Variants in ADARB2 observed in about 807,000 individuals in gnomAD.
ADARB2 encodes the protein adenosine deaminase RNA specific B2 (inactive), also known as inactive double-stranded RNA-specific editase B2.
A neutral mutation model predicts 62.2 loss-of-function variants in ADARB2; 25 were observed. The ratio of observed to expected loss-of-function variants is 0.40; its 90% CI spans 0.29 to 0.56. The LOEUF is 0.56. Among genes scored for constraint, ADARB2 ranks in the 20% least tolerant of loss-of-function variants. The pLI, the probability that ADARB2 is intolerant of heterozygous loss-of-function variation, is 0.43. For missense variants in ADARB2, 1,071 were observed against 1,077.4 expected (o/e 0.99, Z 0.08); for synonymous variants, 572 against 500.8 (o/e 1.14, Z -1.90).
rs147348249 is a variant in ADARB2, at chr10:1,408,810, G to A, written c.101-29650C>T. Among the ~76,000 whole-genome samples the A allele has an allele frequency of 7.7e-3, 1,173 of 152,318 alleles. 7 individuals are homozygous for A. The highest frequency in any genetic ancestry group is 0.012 in the Non-Finnish European group (813 of 68,024). Reference sequence around the variant, plus strand: ...ACCACGGCCACACACTGGTAGCTGGGAATTGTGTCTGCACCAGCACACAGG... The same window carrying A: ...ACCACGGCCACACACTGGTAGCTGGAAATTGTGTCTGCACCAGCACACAGG... On this transcript the variant is annotated intron_variant, in intron 1 of 9. Coordinates refer to ENST00000381312, the MANE Select transcript of ADARB2 (RefSeq NM_018702.4).
At chr10:1,469,180 G>A (rs1831292178) in intron 1 of ADARB2, among the ~76,000 whole-genome samples, 1 of 152,214 alleles carries the variant, frequency 6.6e-6, no homozygotes. Flanking sequence ...GTTGGACTGG[G>A]TTTAATGTGG....
intron 4 of ADARB2, among the ~76,000 whole-genome samples, chr10:1,260,180 C>A (rs565867964): frequency 3.7e-4 from 57 of 152,204 alleles, no homozygotes; most frequent in African/African-American, 9.6e-4. Flanking sequence ...CTATGACAAA[C>A]CCACAGCCAA....
At chr10:1,481,218 A>G (rs189312964) in intron 1 of ADARB2, among the ~76,000 whole-genome samples, 102 of 152,378 alleles carry the variant, frequency 6.7e-4, no homozygotes, top group Admixed American at 1.3e-3. Context: ...TGCAGAAAGG[A>G]TAGTCTTTTC....
intron 1 of ADARB2, among the ~76,000 whole-genome samples, chr10:1,474,136 T>C (rs1480847070): frequency 1.3e-4 from 1 of 7,698 alleles, no homozygotes; most frequent in Non-Finnish European, 3.2e-3. Context: ...GTCTCAGGCT[T>C]GATTCCTGCA....
chr10:1,677,061 C>T lies in ADARB2; in HGVS notation c.100+59990G>A, dbSNP rs566353553. On this transcript the variant is annotated intron_variant, in intron 1 of 9. Transcript: ENST00000381312. Reference sequence around the variant, plus strand: ...AGCTTACACATCCGCTTCACCCCAGCACTAAGGAGCAAGGCTCAGGGCCTG... The same window carrying T: ...AGCTTACACATCCGCTTCACCCCAGTACTAAGGAGCAAGGCTCAGGGCCTG... 1.4e-4 allele frequency among the ~76,000 whole-genome samples: 21 copies of T among 152,370 alleles called. No homozygotes were observed. In the East Asian group the frequency reaches 3.9e-3, roughly 28 times the overall value.
intron 1 of ADARB2, among the ~76,000 whole-genome samples, chr10:1,538,308 C>T (rs1832360427): frequency 6.6e-6 from 1 of 152,158 alleles, no homozygotes; most frequent in African/African-American, 2.4e-5. Flanking sequence ...TGGTGGGTGT[C>T]CCACAGGGGT....
At chr10:1,681,201 A>G (rs1181320914) in intron 1 of ADARB2, among the ~76,000 whole-genome samples, 1 of 152,210 alleles carries the variant, frequency 6.6e-6, no homozygotes, top group African/African-American at 2.4e-5. Flanking sequence ...TTTTTAGCTG[A>G]TTTATTTTGC....
chr10:1,372,596 G>A (rs1306572513), intron 2 of ADARB2, among the ~76,000 whole-genome samples: 1 of 152,176 alleles, frequency 6.6e-6, no homozygotes, highest in East Asian at 1.9e-4. Flanking sequence ...GAGGTGTGGG[G>A]CCCATCTCAC....
At chr10:1,509,788 A>G (rs1314751635) in intron 1 of ADARB2, among the ~76,000 whole-genome samples, 1 of 152,204 alleles carries the variant, frequency 6.6e-6, no homozygotes, top group East Asian at 1.9e-4. Context: ...TGCGAAATGG[A>G]AAGGGGAATT....
intron 1 of ADARB2, among the ~76,000 whole-genome samples, chr10:1,591,315 C>T (rs1477875323): frequency 6.6e-6 from 1 of 152,182 alleles, no homozygotes; most frequent in Non-Finnish European, 1.5e-5. Context: ...GCGTGCCATC[C>T]CCTTCCTTCT....
intron 6 of ADARB2, among the ~76,000 whole-genome samples, chr10:1,232,408 G>A (rs1301912259): frequency 1.3e-5 from 2 of 151,348 alleles, no homozygotes; most frequent in African/African-American, 2.4e-5. Context: ...TGTGCTTGTG[G>A]CATGTGTGTG....
chr10:1,477,490 G>A lies in ADARB2; in HGVS notation c.101-98330C>T, dbSNP rs537373685. ...GTGCTGCCCATTGCTTTCTTGCAAC[G>A]TATCTTCGTGCTTTCTCTAATAAAT... On this transcript the variant is annotated intron_variant, in intron 1 of 9. Coordinates refer to ENST00000381312, the MANE Select transcript of ADARB2 (RefSeq NM_018702.4). The surrounding 1 kb of genome is among the most constrained non-coding windows in gnomAD (Gnocchi z 4.5). 3.3e-5 allele frequency among the ~76,000 whole-genome samples: 5 copies of A among 152,024 alleles called. No homozygotes were observed. The South Asian group carries it at 6.2e-4, about 19-fold the overall frequency.
chr10:1,315,665 CCCCTATGCAGGTGAAGACGCCCCTT>C (rs1172958953), intron 3 of ADARB2, among the ~76,000 whole-genome samples: 1 of 152,206 alleles, frequency 6.6e-6, no homozygotes, highest in African/African-American at 2.4e-5. Flanking sequence ...CTTTGAGGGG[CCCCTATGCAGGTGAAGACGCCCCTT>C]CCCTATGCCC....
chr10:1,413,851 G>A (rs1194387904), intron 1 of ADARB2, among the ~76,000 whole-genome samples: 1 of 152,218 alleles, frequency 6.6e-6, no homozygotes, highest in Admixed American at 6.5e-5. Flanking sequence ...CTGCCATGAT[G>A]GATAGAAAAG....
intron 1 of ADARB2, among the ~76,000 whole-genome samples, chr10:1,604,323 A>T (rs1161638119): frequency 6.6e-6 from 1 of 152,212 alleles, no homozygotes; most frequent in Non-Finnish European, 1.5e-5. Context: ...TTTAATCTTT[A>T]CAAGAATTAT....
chr10:1,487,320 T>C (rs115529252), intron 1 of ADARB2, among the ~76,000 whole-genome samples: 3,836 of 152,312 alleles, frequency 0.025, 178 homozygotes, highest in African/African-American at 0.086. Flanking sequence ...TGAAAACAAG[T>C]GAAAACAAAA....
At position 1,255,973 on chromosome 10, in the gene ADARB2, T is replaced by A. The variant is rs754004570; in HGVS notation, c.1193-13674A>T. ...TGGCACATTCTCCTACTGAATTAAC[T>A]TGACTTTTCCAAAGTATACTTGCGG... On this transcript the variant is annotated intron_variant, in intron 4 of 9. Transcript: ENST00000381312. The surrounding 1 kb of genome is among the most constrained non-coding windows in gnomAD (Gnocchi z 4.7). Among the ~76,000 whole-genome samples the A allele has an allele frequency of 1.6e-4, 25 of 152,222 alleles. No individual in the cohort carries two copies. Among genetic ancestry groups the A allele is most frequent in the Non-Finnish European group, 3.2e-4 (22 of 68,034 alleles).
chr10:1,714,206 C>A (rs1834987026), intron 1 of ADARB2, among the ~76,000 whole-genome samples: 1 of 152,166 alleles, frequency 6.6e-6, no homozygotes, highest in Admixed American at 6.5e-5. Flanking sequence ...GAATTTTGCA[C>A]TGGGTGGAGG....
chr10:1,434,929 C>T (rs1265319171), intron 1 of ADARB2, among the ~76,000 whole-genome samples: 2 of 152,224 alleles, frequency 1.3e-5, no homozygotes, highest in Admixed American at 1.3e-4. Context: ...AAACTCCTTC[C>T]TCCTCAGTTC....
Sources: allele counts gnomAD v4.1 joint callset (sites outside exome capture counted in the v4.1 genomes callset), GRCh38; gene constraint gnomAD v4.1.1; non-coding constraint Gnocchi (gnomAD v3.1); transcripts MANE v1.5; gene names NCBI Gene and HGNC (gene_info 2026-07-23, HGNC 2026-07-21).